DLG1: variants seen among roughly 807,000 people sequenced by gnomAD.
DLG1 encodes the protein disks large homolog 1.
In DLG1, 42 loss-of-function variants were observed where a neutral mutation model predicts 123.4. The observed-to-expected ratio is 0.34, with a 90% CI of 0.27 to 0.44. The LOEUF is 0.44. DLG1 is among the 20% of genes least tolerant of loss of function. DLG1 has a pLI of 1.00. For missense variants in DLG1, 942 were observed against 1,082.6 expected (o/e 0.87, Z 1.82); for synonymous variants, 317 against 356.2 (o/e 0.89, Z 1.24).
intron 6 of DLG1, 90 bp downstream of exon 6, chr3:197,149,653 A>G: frequency 1.2e-6 from 1 of 835,764 alleles, no homozygotes. Context: ...AATGTATTAG[A>G]GAAAACAATG....
intron 5 of DLG1, among the ~76,000 whole-genome samples, chr3:197,174,084 A>G (rs1305372945): frequency 2.6e-5 from 4 of 152,242 alleles, no homozygotes; most frequent in Non-Finnish European, 5.9e-5. Context: ...CTCTGTCTCA[A>G]AAACAAAACA....
intron 14 of DLG1, 59 bp downstream of exon 14, chr3:197,104,843 AG>A (rs1203083636): frequency 8.5e-7 from 1 of 1,173,720 alleles, no homozygotes; most frequent in African/African-American, 1.5e-5. Context: ...TAAATATTAA[AG>A]AGGAAGAATT....
At chr3:197,049,327 TAAA>T (rs71161990) in intron 24 of DLG1, among the ~76,000 whole-genome samples, 1 of 151,292 alleles carries the variant, frequency 6.6e-6, no homozygotes, top group Non-Finnish European at 1.5e-5. Flanking sequence ...AACAAAACAA[TAAA>T]AAACAAAAAG....
chr3:197,266,411 A>T (rs1290847422), intron 4 of DLG1, among the ~76,000 whole-genome samples: 2 of 152,116 alleles, frequency 1.3e-5, no homozygotes, highest in Admixed American at 6.6e-5. Context: ...TATCGAGACC[A>T]ACCTGGGCAA....
chr3:197,084,532 A>T (rs1236770634), intron 16 of DLG1, among the ~76,000 whole-genome samples: 4 of 151,680 alleles, frequency 2.6e-5, no homozygotes, highest in African/African-American at 9.7e-5. Context: ...GGCTGGTCTC[A>T]AACTCCTGAC....
intron 4 of DLG1, among the ~76,000 whole-genome samples, chr3:197,218,750 C>A (rs1245194572): frequency 1.3e-5 from 2 of 152,144 alleles, no homozygotes; most frequent in Admixed American, 6.5e-5. Flanking sequence ...CTAAAGCCAA[C>A]CCATAAAAAG....
At chr3:197,223,011 G>T (rs1256395949) in intron 4 of DLG1, among the ~76,000 whole-genome samples, 1 of 152,048 alleles carries the variant, frequency 6.6e-6, no homozygotes, top group Non-Finnish European at 1.5e-5. Flanking sequence ...GCCTCACTGT[G>T]CCTACTATTT....
At chr3:197,199,177 CTCTT>C (rs1475254588) in intron 4 of DLG1, among the ~76,000 whole-genome samples, 1 of 152,154 alleles carries the variant, frequency 6.6e-6, no homozygotes, top group East Asian at 1.9e-4. Context: ...CAATGGGAAT[CTCTT>C]AAAGTTTCTG....
intron 18 of DLG1, among the ~76,000 whole-genome samples, chr3:197,072,414 C>T (rs1488459871): frequency 6.6e-6 from 1 of 152,060 alleles, no homozygotes; most frequent in African/African-American, 2.4e-5. Context: ...AGGCATTTAG[C>T]AGCACTCTCT....
At chr3:197,056,611 G>C (rs1731838892) in intron 23 of DLG1, among the ~76,000 whole-genome samples, 1 of 152,128 alleles carries the variant, frequency 6.6e-6, no homozygotes, top group Non-Finnish European at 1.5e-5. Flanking sequence ...ATAAGTACTA[G>C]ATTATTTAGG....
At chr3:197,299,295 A>G (rs769697644), upstream of DLG1, 8 of 152,236 alleles carry the variant, frequency 5.3e-5, no homozygotes, top group Non-Finnish European at 1.0e-4. Context: ...AGTGAGTGAC[A>G]GAACTGGAAA....
intron 15 of DLG1, among the ~76,000 whole-genome samples, chr3:197,088,012 C>G (rs1285988642): frequency 1.3e-5 from 2 of 152,094 alleles, no homozygotes; most frequent in Non-Finnish European, 2.9e-5. Context: ...ATTCTAGCAA[C>G]TTGGTTTATA....
intron 3 of DLG1, among the ~76,000 whole-genome samples, chr3:197,294,538 G>A (rs1776446605): frequency 6.6e-6 from 1 of 151,746 alleles, no homozygotes; most frequent in Non-Finnish European, 1.5e-5. Flanking sequence ...GGCACCTTTG[G>A]TCCCAGCTAC....
intron 4 of DLG1, among the ~76,000 whole-genome samples, chr3:197,243,658 T>C (rs1750123532): frequency 6.6e-6 from 1 of 152,182 alleles, no homozygotes; most frequent in African/African-American, 2.4e-5. Context: ...CCAGACCATT[T>C]GGCTAGTAGG....
intron 4 of DLG1, among the ~76,000 whole-genome samples, chr3:197,235,193 C>T (rs1487034581): frequency 6.6e-6 from 1 of 152,252 alleles, no homozygotes; most frequent in East Asian, 1.9e-4. Context: ...TGGAACTTGA[C>T]ACATGATGGA....
chr3:197,298,495 G>A (rs1560219283), intron 1 of DLG1, 41 bp downstream of exon 1: 1 of 398,638 alleles, frequency 2.5e-6, no homozygotes, highest in Non-Finnish European at 4.4e-6. Context: ...TGTCTGAAGA[G>A]AGGCGTGACC....
At chr3:197,134,891 C>A (rs1401545095) in intron 10 of DLG1, among the ~76,000 whole-genome samples, 1 of 152,184 alleles carries the variant, frequency 6.6e-6, no homozygotes, top group Non-Finnish European at 1.5e-5. Context: ...GGACAAATAA[C>A]CCCTAGGGGG....
chr3:197,071,520 T>A (rs1208452120), intron 18 of DLG1, among the ~76,000 whole-genome samples: 1 of 152,002 alleles, frequency 6.6e-6, no homozygotes, highest in Non-Finnish European at 1.5e-5. Flanking sequence ...TTAGCTCTTC[T>A]ACAATAAAGC....
chr3:197,289,537 G>GA (rs1304222206), intron 3 of DLG1, among the ~76,000 whole-genome samples: 23 of 152,116 alleles, frequency 1.5e-4, no homozygotes, highest in African/African-American at 5.6e-4. Flanking sequence ...AAGGCAACTA[G>GA]AAAGCTGAAG....
Sources: gnomAD v4.1 joint callset for allele counts (sites outside exome capture counted in the v4.1 genomes callset) on GRCh38, gnomAD v4.1.1 for gene constraint, MANE v1.5 for transcripts, NCBI Gene and HGNC (gene_info 2026-07-23, HGNC 2026-07-21) for gene names.